Variants in CALN1 observed in about 807,000 individuals in gnomAD.
CALN1 encodes calneuron 1.
CALN1 carries 17 observed loss-of-function variants against 30.6 expected under a neutral mutation model. The observed-to-expected ratio is 0.56, with a 90% CI of 0.38 to 0.83. The LOEUF (loss-of-function observed/expected upper bound fraction) is 0.83, where lower values mean the gene tolerates loss of function less well. Among genes scored for constraint, CALN1 ranks in the 40% least tolerant of loss-of-function variants. The probability of loss-of-function intolerance (pLI) is 0.00; values close to 1 mark genes in which losing one functional copy is unlikely to be tolerated. For synonymous variants in CALN1, 156 were observed against 131.4 expected, an observed-to-expected ratio of 1.19 and a Z score of -1.28; for missense variants, 291 against 354.9, an observed-to-expected ratio of 0.82 and a Z score of 1.45.
At chr7:72,023,352 G>T (rs1300588328) in intron 5 of CALN1, among the ~76,000 whole-genome samples, 1 of 152,036 alleles carries the variant, frequency 6.6e-6, no homozygotes, top group African/African-American at 2.4e-5. Context: ...ACACAGAACC[G>T]GTTCAGATAA....
chr7:72,033,054 C>T (rs1366716946), intron 4 of CALN1, among the ~76,000 whole-genome samples: 1 of 152,234 alleles, frequency 6.6e-6, no homozygotes. Flanking sequence ...ATGTAATTCA[C>T]TCAGACCAGG....
intron 3 of CALN1, among the ~76,000 whole-genome samples, chr7:72,221,274 C>T (rs1243253147): frequency 2.7e-5 from 4 of 149,886 alleles, no homozygotes; most frequent in African/African-American, 4.9e-5. Flanking sequence ...CGTGGAGACG[C>T]GATGCCCCAG....
intron 2 of CALN1, among the ~76,000 whole-genome samples, chr7:72,374,385 C>T (rs1453906859): frequency 2.0e-5 from 3 of 151,774 alleles, no homozygotes; most frequent in South Asian, 2.1e-4. Context: ...AAAAGTTAAC[C>T]GGGTGTGGTG....
chr7:72,366,087 A>C (rs531215797), intron 2 of CALN1, among the ~76,000 whole-genome samples: 15 of 152,298 alleles, frequency 9.8e-5, no homozygotes, highest in Middle Eastern at 6.8e-3. Context: ...AGTACAAGAA[A>C]TGTCTATTGA....
chr7:71,972,967 G>A (rs537803739), intron 5 of CALN1, among the ~76,000 whole-genome samples: 1 of 152,224 alleles, frequency 6.6e-6, no homozygotes, highest in South Asian at 2.1e-4. Context: ...TTGAGCCCCA[G>A]GAATTGCCAG....
intron 3 of CALN1, among the ~76,000 whole-genome samples, chr7:72,273,930 AG>A (rs1437139057): frequency 1.3e-5 from 2 of 152,220 alleles, no homozygotes; most frequent in Non-Finnish European, 2.9e-5. Flanking sequence ...ACAAAAAAAA[AG>A]TTTCATGCAA....
At chr7:71,954,301 T>C (rs940717869) in intron 5 of CALN1, among the ~76,000 whole-genome samples, 3 of 151,336 alleles carry the variant, frequency 2.0e-5, no homozygotes, top group African/African-American at 7.3e-5. Context: ...CTACTAAAAA[T>C]ACAAAAAAAT....
In CALN1 at chr7:72,026,576, CTCTG is replaced by C. The variant is rs536734900; in HGVS notation, c.389-2811_389-2808del. 3.1e-3 allele frequency among the ~76,000 whole-genome samples: 471 copies of C among 151,056 alleles called. 1 individual carries two copies. The highest frequency in any genetic ancestry group is 0.011 in the African/African-American group (455 of 41,430). ...CTCCAGCCTGGGCGACAGAGCAAGACTCTGTCTGGGGAAAAAAAAAATAGAGAGG... is the reference window on the plus strand; with the variant it reads ...CTCCAGCCTGGGCGACAGAGCAAGACTCTGGGGAAAAAAAAAATAGAGAGG... On this transcript the variant is annotated intron_variant, in intron 4 of 6. Transcript: ENST00000395275.
chr7:72,280,819 T>TGGG (rs1780799939), intron 2 of CALN1, among the ~76,000 whole-genome samples: 1 of 152,116 alleles, frequency 6.6e-6, no homozygotes, highest in South Asian at 2.1e-4. Context: ...CAGGCATAGG[T>TGGG]TACCTATCAC....
the CALN1 span, among the ~76,000 whole-genome samples, chr7:72,503,070 T>C: frequency 8.0e-4 from 122 of 152,132 alleles, no homozygotes; most frequent in African/African-American, 2.7e-3. Flanking sequence ...CGCTTGAATC[T>C]GGGAAGCGGT....
Position 71,958,782 on chromosome 7 carries a change from T to A in CALN1, c.501+64875A>T, listed in dbSNP as rs529109610. ...TGTTAGATTTCATGTTAGCTGCTTG[T>A]TCAAAATCAGGCAGAAAGGCAGCTC... is the stretch of plus-strand genomic sequence containing the variant. On this transcript the variant is annotated intron_variant, in intron 5 of 6. Transcript: ENST00000395275. Among the ~76,000 whole-genome samples, 3 of 152,212 alleles carry A rather than the reference T, an allele frequency of 2.0e-5. No homozygotes were observed. In the East Asian group the frequency reaches 5.8e-4, roughly 30 times the overall value.
In CALN1 at chr7:72,140,008, G is replaced by A. The variant is rs1809777973; in HGVS notation, c.245-33714C>T. Among the ~76,000 whole-genome samples the A allele has an allele frequency of 1.3e-5, 2 of 152,060 alleles. 1 individual carries two copies. The highest frequency in any genetic ancestry group is 4.1e-4 in the South Asian group (2 of 4,822). On this transcript the variant is annotated intron_variant, in intron 3 of 6. Transcript: ENST00000395275. ...AGGTTAGGAAAGCATGCTCAGAAGTGTCCTGTAATCTCAGCAATTCGGGAG... is the reference window on the plus strand; with the variant it reads ...AGGTTAGGAAAGCATGCTCAGAAGTATCCTGTAATCTCAGCAATTCGGGAG...
At position 72,403,437 on chromosome 7, in the gene CALN1, GAGACTCTGAA is replaced by G; in HGVS notation, c.-73-5_-69del. ...TCAAAGGAACGTCAGCGAAGGCACTGAGACTCTGAAAGGAGTTGACAGAAACTTACAGCCT... is the reference window on the plus strand; with the variant it reads ...TCAAAGGAACGTCAGCGAAGGCACTGAGGAGTTGACAGAAACTTACAGCCT... On this transcript the variant is annotated splice_acceptor_variant and splice_polypyrimidine_tract_variant and 5_prime_UTR_variant and intron_variant, in exon 2 of 7. Transcript: ENST00000395275. LOFTEE classifies it low-confidence loss of function (5UTR_SPLICE). 1 of 1,300,538 alleles carries G rather than the reference GAGACTCTGAA, an allele frequency of 7.7e-7. No individual in the cohort carries two copies. The highest frequency in any genetic ancestry group is 1.5e-5 in the African/African-American group (1 of 68,002). The allele number at this position is 1,300,538 out of a possible 1,614,324, so 80.6% of individuals were successfully genotyped here.
chr7:72,107,471 C>CA (rs920493085), intron 3 of CALN1, among the ~76,000 whole-genome samples: 1 of 152,232 alleles, frequency 6.6e-6, no homozygotes, highest in African/African-American at 2.4e-5. Context: ...ACTCTGCGGT[C>CA]AGCAAGGGCT....
the CALN1 span, among the ~76,000 whole-genome samples, chr7:72,482,218 TA>T: frequency 9.2e-5 from 14 of 152,298 alleles, no homozygotes; most frequent in East Asian, 2.7e-3. Flanking sequence ...TCATTAGTGT[TA>T]ACATCATTTG....
At chr7:71,973,796 C>T (rs777118360) in intron 5 of CALN1, among the ~76,000 whole-genome samples, 2 of 152,092 alleles carry the variant, frequency 1.3e-5, no homozygotes, top group Non-Finnish European at 2.9e-5. Flanking sequence ...GACGCAGCTA[C>T]GTTTAAGTGA....
intron 2 of CALN1, among the ~76,000 whole-genome samples, chr7:72,362,521 C>T (rs1803631881): frequency 6.6e-6 from 1 of 152,136 alleles, no homozygotes; most frequent in Non-Finnish European, 1.5e-5. Context: ...AATACACTTC[C>T]TTCACTTCCT....
chr7:71,818,186 T>A (rs1052722480), intron 5 of CALN1, among the ~76,000 whole-genome samples: 3 of 151,848 alleles, frequency 2.0e-5, no homozygotes, highest in Non-Finnish European at 2.9e-5. Context: ...ACCACCTGGT[T>A]GGGGGTGAAG....
At chr7:71,941,471 C>T (rs1796127893) in intron 5 of CALN1, among the ~76,000 whole-genome samples, 2 of 151,926 alleles carry the variant, frequency 1.3e-5, no homozygotes, top group South Asian at 2.1e-4. Flanking sequence ...GATAACAAGA[C>T]AGCAGACCCA....
Sources: gnomAD v4.1 joint callset for allele counts (sites outside exome capture counted in the v4.1 genomes callset) on GRCh38, gnomAD v4.1.1 for gene constraint, MANE v1.5 for transcripts, NCBI Gene and HGNC (gene_info 2026-07-23, HGNC 2026-07-21) for gene names.